Variants in HDAC9 observed in about 807,000 individuals in gnomAD.
HDAC9 encodes the protein histone deacetylase 9, also known as MEF-2 interacting transcription repressor (MITR) protein.
HDAC9 carries 41 observed loss-of-function variants against 139.4 expected under a neutral mutation model. That is an observed-to-expected ratio of 0.29 (90% CI 0.23 to 0.38). HDAC9 has a LOEUF of 0.38. HDAC9 is among the 10% of genes least tolerant of loss of function. The probability of loss-of-function intolerance (pLI) is 1.00; values close to 1 mark genes in which losing one functional copy is unlikely to be tolerated. For synonymous variants in HDAC9, 517 were observed against 476.2 expected, an observed-to-expected ratio of 1.09 and a Z score of -1.12; for missense variants, 1,147 against 1,297.0, an observed-to-expected ratio of 0.88 and a Z score of 1.78.
intron 1 of HDAC9, among the ~76,000 whole-genome samples, chr7:18,410,289 A>C (rs1036474839): frequency 6.6e-6 from 1 of 152,172 alleles, no homozygotes; most frequent in Non-Finnish European, 1.5e-5. Flanking sequence ...CTTAGGGACA[A>C]GATGAGTGTG....
At chr7:18,980,758 C>CTT (rs753957257) in intron 25 of HDAC9, among the ~76,000 whole-genome samples, 8 of 140,918 alleles carry the variant, frequency 5.7e-5, no homozygotes, top group African/African-American at 1.7e-4. Context: ...TCTTCTTCTT[C>CTT]CTTCTTCTTC....
At chr7:18,581,538 G>A (rs1258564935) in intron 2 of HDAC9, among the ~76,000 whole-genome samples, 1 of 152,058 alleles carries the variant, frequency 6.6e-6, no homozygotes, top group Non-Finnish European at 1.5e-5. Context: ...GTAGTTCATG[G>A]ATAACAAGAA....
intron 2 of HDAC9, among the ~76,000 whole-genome samples, chr7:18,546,307 G>T (rs1244480164): frequency 1.3e-5 from 2 of 152,142 alleles, no homozygotes; most frequent in East Asian, 3.8e-4. Context: ...TTTAGAATGG[G>T]ATATATAGTC....
In HDAC9 at chr7:18,477,341, C is replaced by T. The variant is rs115271986; in HGVS notation, c.-41-18921C>T. 8.6e-3 allele frequency among the ~76,000 whole-genome samples: 1,314 copies of T among 152,180 alleles called. 17 individuals carry two copies. The highest frequency in any genetic ancestry group is 0.03 in the African/African-American group (1,229 of 41,504). ...CCCACTAAGTCACAGTTTAATCCAG[C>T]GTGTCTTAATTTCTAAGCAAAGGCT... is the stretch of plus-strand genomic sequence containing the variant. On this transcript the variant is annotated intron_variant, in intron 1 of 3. Transcript: ENST00000413509.
chr7:18,862,342 GA>G lies in HDAC9; in HGVS notation c.2685-12135del, dbSNP rs370183142. 1.6e-4 allele frequency among the ~76,000 whole-genome samples: 25 copies of G among 152,246 alleles called. No homozygotes were observed. In the South Asian group the frequency reaches 4.8e-3, roughly 29 times the overall value. On this transcript the variant is annotated intron_variant, in intron 21 of 25. Coordinates refer to ENST00000686413, the MANE Select transcript of HDAC9 (RefSeq NM_178425.4). ...AACATAGAAAAATCATAGAATAATA[GA>G]GCCGCATATGACTTTAGAGTTAATC...
intron 25 of HDAC9, among the ~76,000 whole-genome samples, chr7:18,993,783 A>G (rs1786214425): frequency 6.6e-6 from 1 of 152,222 alleles, no homozygotes; most frequent in Non-Finnish European, 1.5e-5. Context: ...AGCCTGGGCA[A>G]CAGAGTGAGA....
intron 9 of HDAC9, among the ~76,000 whole-genome samples, chr7:18,645,759 C>T (rs1226762675): frequency 6.6e-6 from 1 of 152,234 alleles, no homozygotes; most frequent in East Asian, 1.9e-4. Flanking sequence ...TTTATTCCAA[C>T]TCTCATCACC....
chr7:18,414,542 T>C (rs1788870673), intron 1 of HDAC9, among the ~76,000 whole-genome samples: 1 of 152,196 alleles, frequency 6.6e-6, no homozygotes, highest in Non-Finnish European at 1.5e-5. Flanking sequence ...TTATATTTGC[T>C]GTCTAAAATG....
At chr7:18,788,312 T>C (rs575454550) in intron 16 of HDAC9, among the ~76,000 whole-genome samples, 39 of 152,232 alleles carry the variant, frequency 2.6e-4, no homozygotes, top group African/African-American at 6.0e-4. Flanking sequence ...CCTTGGAGGA[T>C]TGTGAGAACT....
At chr7:18,559,383 C>A (rs1361156957) in intron 2 of HDAC9, among the ~76,000 whole-genome samples, 1 of 152,126 alleles carries the variant, frequency 6.6e-6, no homozygotes, top group African/African-American at 2.4e-5. Flanking sequence ...ATTTCTCAGG[C>A]TTGAGTGAGA....
chr7:18,885,609 A>T (rs948511092), intron 22 of HDAC9, among the ~76,000 whole-genome samples: 4 of 152,154 alleles, frequency 2.6e-5, no homozygotes, highest in Non-Finnish European at 4.4e-5. Flanking sequence ...ACCAGATCTC[A>T]TGTCTCTAGA....
chr7:18,150,470 C>T (rs911538612), intron 1 of HDAC9, among the ~76,000 whole-genome samples: 5 of 152,282 alleles, frequency 3.3e-5, no homozygotes, highest in South Asian at 4.1e-4. Context: ...ATATTATCTT[C>T]GTTGGCTAAG....
intron 1 of HDAC9, among the ~76,000 whole-genome samples, chr7:18,403,132 C>T (rs1461363992): frequency 6.6e-6 from 1 of 152,122 alleles, no homozygotes; most frequent in African/African-American, 2.4e-5. Context: ...AGATTTGGAG[C>T]TGGGAATTAT....
intron 1 of HDAC9, among the ~76,000 whole-genome samples, chr7:18,135,923 T>C (rs1562658446): frequency 8.3e-6 from 1 of 120,544 alleles, no homozygotes; most frequent in Admixed American, 7.5e-5. Flanking sequence ...CCACCAACAG[T>C]GTAAAAGTGT....
At chr7:18,605,801 C>T (rs1285029488) in intron 6 of HDAC9, among the ~76,000 whole-genome samples, 1 of 152,132 alleles carries the variant, frequency 6.6e-6, no homozygotes, top group Non-Finnish European at 1.5e-5. Context: ...CTGCCTCAGC[C>T]TCCCGAGTAG....
chr7:18,778,517 A>G (rs562239136), intron 16 of HDAC9, among the ~76,000 whole-genome samples: 1 of 152,178 alleles, frequency 6.6e-6, no homozygotes, highest in South Asian at 2.1e-4. Context: ...AGCACCCTTT[A>G]CACAGTGTGG....
chr7:18,333,544 A>G (rs553860286), intron 1 of HDAC9, among the ~76,000 whole-genome samples: 2 of 151,618 alleles, frequency 1.3e-5, no homozygotes, highest in East Asian at 3.9e-4. Flanking sequence ...ATGTGTTTTT[A>G]AAACACTTGC....
intron 1 of HDAC9, among the ~76,000 whole-genome samples, chr7:18,424,166 A>T (rs1328734115): frequency 6.6e-6 from 1 of 152,216 alleles, no homozygotes; most frequent in Non-Finnish European, 1.5e-5. Context: ...TTCTCATTCA[A>T]GTCAATTTCC....
chr7:18,306,253 G>A (rs926373758), intron 1 of HDAC9, among the ~76,000 whole-genome samples: 1 of 152,150 alleles, frequency 6.6e-6, no homozygotes, highest in African/African-American at 2.4e-5. Context: ...GCTGCTGTGG[G>A]TAGGACTCAG....
Sources: allele counts gnomAD v4.1 joint callset (sites outside exome capture counted in the v4.1 genomes callset), GRCh38; gene constraint gnomAD v4.1.1; transcripts MANE v1.5; gene names NCBI Gene and HGNC (gene_info 2026-07-23, HGNC 2026-07-21).